ASPH: variants seen among roughly 807,000 people sequenced by gnomAD.
The protein encoded by ASPH is aspartate beta-hydroxylase.
A neutral mutation model predicts 118.4 loss-of-function variants in ASPH; 100 were observed. The ratio of observed to expected loss-of-function variants is 0.84; its 90% CI spans 0.72 to 1.00. The LOEUF (loss-of-function observed/expected upper bound fraction) is 1.00. ASPH is among the 50% of genes least tolerant of loss of function. ASPH has a pLI of 0.00. For synonymous variants in ASPH, 315 were observed against 325.6 expected, an observed-to-expected ratio of 0.97 and a Z score of 0.35; for missense variants, 920 against 919.5, an observed-to-expected ratio of 1.00 and a Z score of -0.01.
At chr8:61,540,959 T>G (rs1172164229) in intron 21 of ASPH, among the ~76,000 whole-genome samples, 1 of 150,394 alleles carries the variant, frequency 6.6e-6, no homozygotes, top group Non-Finnish European at 1.5e-5. Flanking sequence ...GAAAAAAAAA[T>G]TAAGAAAGGG....
chr8:61,624,114 G>T, intron 13 of ASPH: 1 of 639,480 alleles, frequency 1.6e-6, no homozygotes, highest in Non-Finnish European at 1.9e-6. Flanking sequence ...GTATTTGATA[G>T]CAAAACAGAG....
chr8:61,604,926 T>A (rs972408617), intron 14 of ASPH, among the ~76,000 whole-genome samples: 1 of 152,218 alleles, frequency 6.6e-6, no homozygotes, highest in Non-Finnish European at 1.5e-5. Context: ...ATGGCACTAT[T>A]GAATTTTATA....
intron 24 of ASPH, chr8:61,517,318 G>C: frequency 1.7e-6 from 1 of 589,592 alleles, no homozygotes; most frequent in Admixed American, 3.3e-5. Context: ...AGAAATAATG[G>C]AGGAGGGCAG....
intron 21 of ASPH, among the ~76,000 whole-genome samples, chr8:61,530,143 C>T (rs1817024958): frequency 6.6e-6 from 1 of 152,188 alleles, no homozygotes; most frequent in African/African-American, 2.4e-5. Flanking sequence ...TGAAGGCTCA[C>T]AAACAGCAGG....
chr8:61,624,762 G>T, intron 13 of ASPH: 1 of 985,736 alleles, frequency 1.0e-6, no homozygotes, highest in South Asian at 4.7e-5. Flanking sequence ...TCATTCATCA[G>T]TTCTATGTCA....
intron 22 of ASPH, among the ~76,000 whole-genome samples, chr8:61,520,468 G>T (rs1812533157): frequency 2.0e-5 from 3 of 152,058 alleles, no homozygotes; most frequent in African/African-American, 7.2e-5. Context: ...GCAACTAAAA[G>T]GTATTCACCC....
At chr8:61,683,330 T>C (rs1165775592) in intron 2 of ASPH, among the ~76,000 whole-genome samples, 1 of 152,002 alleles carries the variant, frequency 6.6e-6, no homozygotes, top group African/African-American at 2.4e-5. Flanking sequence ...TTTATTTCAG[T>C]TTAAAAAAAG....
chr8:61,568,070 G>C (rs67463566), intron 16 of ASPH, among the ~76,000 whole-genome samples: 14,253 of 152,160 alleles, frequency 0.094, 949 homozygotes, highest in East Asian at 0.28. Flanking sequence ...AAGACCAATG[G>C]AGGCCATGAG....
At chr8:61,629,840 AGCT>A (rs953185300) in intron 13 of ASPH, among the ~76,000 whole-genome samples, 1 of 152,184 alleles carries the variant, frequency 6.6e-6, no homozygotes, top group Non-Finnish European at 1.5e-5. Context: ...GAAAAACGGC[AGCT>A]GACAGTGTGG....
Position 61,562,389 on chromosome 8 carries a change from C to CTCTGTGTGTGTGTGTGTG in ASPH, c.1437+354_1437+355insCACACACACACACACAGA, listed in dbSNP as rs71257370. ...AAAAAAAAAAAAAAGGAAAGTGTGTCTGTGTGTGTGTGTGTGTGTGTGTGT... is the reference window on the plus strand; with the variant it reads ...AAAAAAAAAAAAAAGGAAAGTGTGTCTCTGTGTGTGTGTGTGTGTGTGTGTGTGTGTGTGTGTGTGTGT... On this transcript the variant is annotated intron_variant, in intron 18 of 24. Coordinates refer to ENST00000379454, the MANE Select transcript of ASPH (RefSeq NM_004318.4). Among the ~76,000 whole-genome samples, 910 of 128,950 alleles carry CTCTGTGTGTGTGTGTGTG rather than the reference C, an allele frequency of 7.1e-3. 13 individuals carry two copies. Among genetic ancestry groups the CTCTGTGTGTGTGTGTGTG allele is most frequent in the African/African-American group, 0.019 (690 of 35,520 alleles). The allele number at this position is 128,950 out of a possible 152,430, so 84.6% of individuals were successfully genotyped here.
At chr8:61,587,340 C>G (rs1291533877) in intron 14 of ASPH, among the ~76,000 whole-genome samples, 1 of 152,136 alleles carries the variant, frequency 6.6e-6, no homozygotes, top group African/African-American at 2.4e-5. Flanking sequence ...GTAGTAGGAG[C>G]TCATGCCTTG....
chr8:61,673,092 A>G (rs1393402512), intron 3 of ASPH, among the ~76,000 whole-genome samples: 2 of 152,220 alleles, frequency 1.3e-5, no homozygotes, highest in East Asian at 3.8e-4. Flanking sequence ...CAAACAGAAA[A>G]TAGTCCCTCT....
At chr8:61,567,419 G>A in intron 16 of ASPH, 101 bp from the exon 17 acceptor site, 1 of 1,297,746 alleles carries the variant, frequency 7.7e-7, no homozygotes. Context: ...TGCTTTAAAA[G>A]AAATGTAAGA....
chr8:61,660,187 T>C (rs1177909476), intron 3 of ASPH: 1 of 152,306 alleles, frequency 6.6e-6, no homozygotes, highest in South Asian at 2.1e-4. Context: ...GTCTCCTGTT[T>C]CCATCTTTAT....
intron 15 of ASPH, 46 bp from the exon 16 acceptor site, chr8:61,576,904 TAATC>T (rs1416433215): frequency 2.0e-6 from 3 of 1,465,310 alleles, no homozygotes; most frequent in African/African-American, 1.4e-5. Flanking sequence ...TTAAAATGAA[TAATC>T]AATCAATATT....
intron 3 of ASPH, among the ~76,000 whole-genome samples, chr8:61,679,074 T>G (rs925867432): frequency 6.6e-6 from 1 of 152,154 alleles, no homozygotes; most frequent in Non-Finnish European, 1.5e-5. Context: ...TTGCATTTCA[T>G]GCAGAGAACT....
At chr8:61,507,344 C>T (rs1807007666) in intron 24 of ASPH, among the ~76,000 whole-genome samples, 1 of 152,154 alleles carries the variant, frequency 6.6e-6, no homozygotes, top group Admixed American at 6.5e-5. Flanking sequence ...GTTAATTGGC[C>T]TGTTTCAGGG....
At chr8:61,620,098 G>A (rs1850391892) in intron 13 of ASPH, among the ~76,000 whole-genome samples, 1 of 152,184 alleles carries the variant, frequency 6.6e-6, no homozygotes, top group South Asian at 2.1e-4. Flanking sequence ...TTTTAATGCA[G>A]GGAAGGGATT....
At chr8:61,596,417 G>T (rs1316155778) in intron 14 of ASPH, among the ~76,000 whole-genome samples, 1 of 152,216 alleles carries the variant, frequency 6.6e-6, no homozygotes, top group Non-Finnish European at 1.5e-5. Context: ...CCTGCCCACT[G>T]CAGCCACTGC....
Sources: gnomAD v4.1 joint callset for allele counts (sites outside exome capture counted in the v4.1 genomes callset) on GRCh38, gnomAD v4.1.1 for gene constraint, MANE v1.5 for transcripts, NCBI Gene and HGNC (gene_info 2026-07-23, HGNC 2026-07-21) for gene names.